Variants in RYR3 observed in about 807,000 individuals in gnomAD.
RYR3 encodes brain ryanodine receptor-calcium release channel.
RYR3 carries 207 observed loss-of-function variants against 584.3 expected under a neutral mutation model. The observed-to-expected ratio is 0.35, with a 90% CI of 0.32 to 0.40. The LOEUF is 0.40. Among genes scored for constraint, RYR3 ranks in the 10% least tolerant of loss-of-function variants. The pLI, the probability that RYR3 is intolerant of heterozygous loss-of-function variation, is 1.00. For synonymous variants in RYR3, 2,416 were observed against 2,248.5 expected (o/e 1.07, Z -2.11); for missense variants, 5,616 against 6,089.2 (o/e 0.92, Z 2.59).
Position 33,706,038 on chromosome 15 carries a change from A to G in RYR3, c.6484-881A>G, listed in dbSNP as rs114921983. Among the ~76,000 whole-genome samples, 1,045 of 152,336 alleles carry G rather than the reference A, an allele frequency of 6.9e-3. 11 individuals are homozygous for G. Among genetic ancestry groups the G allele is most frequent in the African/African-American group, 0.024 (982 of 41,574 alleles). On this transcript the variant is annotated intron_variant, in intron 42 of 103. Coordinates refer to ENST00000634891, the MANE Select transcript of RYR3 (RefSeq NM_001036.6). ...ATAACAATGATAATCAATCTTGTTA[A>G]TCACTTGGAAACAAAAAATGAATTG...
chr15:33,687,950 C>G (rs902613254), intron 38 of RYR3, among the ~76,000 whole-genome samples: 5 of 152,094 alleles, frequency 3.3e-5, no homozygotes, highest in African/African-American at 1.2e-4. Flanking sequence ...GACCTAAAAC[C>G]ATAAAAACCG....
intron 43 of RYR3, 154 bp from the exon 44 acceptor site, chr15:33,722,561 C>T (rs146695629): frequency 5.8e-6 from 4 of 690,574 alleles, no homozygotes; most frequent in African/African-American, 5.4e-5. Flanking sequence ...GTCTTAGTTC[C>T]TTCTCCACTC....
At chr15:33,540,056 G>A (rs1454477946) in intron 6 of RYR3, among the ~76,000 whole-genome samples, 1 of 152,106 alleles carries the variant, frequency 6.6e-6, no homozygotes, top group Non-Finnish European at 1.5e-5. Context: ...CTGCTGCCAC[G>A]TGATCATGGT....
At chr15:33,396,328 T>C (rs937645771) in intron 1 of RYR3, among the ~76,000 whole-genome samples, 1 of 152,126 alleles carries the variant, frequency 6.6e-6, no homozygotes, top group Non-Finnish European at 1.5e-5. Flanking sequence ...AACCCGTCAG[T>C]GTTTTGTGGT....
intron 1 of RYR3, among the ~76,000 whole-genome samples, chr15:33,404,092 A>G (rs2042859857): frequency 6.6e-6 from 1 of 152,196 alleles, no homozygotes; most frequent in Non-Finnish European, 1.5e-5. Context: ...TGAGGGATGA[A>G]TTTGGTCGTA....
intron 10 of RYR3, among the ~76,000 whole-genome samples, chr15:33,560,376 A>G (rs1309927449): frequency 6.6e-6 from 1 of 152,234 alleles, no homozygotes; most frequent in Non-Finnish European, 1.5e-5. Context: ...GTAAAAACAA[A>G]GACACAGAAA....
rs895753827 is a variant in RYR3 at position 33,724,687 on chromosome 15, G to A, written c.6912+511G>A. On this transcript the variant is annotated intron_variant, in intron 45 of 103. Transcript: ENST00000634891. ...CAGACTTCTAGTTTTGAACTAGAAAGTATGTTCTTTTCTTTTTTCACCTCT... is the reference window on the plus strand; with the variant it reads ...CAGACTTCTAGTTTTGAACTAGAAAATATGTTCTTTTCTTTTTTCACCTCT... 3.9e-5 allele frequency among the ~76,000 whole-genome samples: 6 copies of A among 152,298 alleles called. No individual in the cohort carries two copies. The South Asian group carries it at 1.2e-3, about 32-fold the overall frequency.
In RYR3 at chr15:33,660,074, C is replaced by G. The variant is rs547330333; in HGVS notation, c.4396-123C>G. On this transcript the variant is annotated intron_variant, in intron 33 of 103. Coordinates refer to ENST00000634891, the MANE Select transcript of RYR3 (RefSeq NM_001036.6). ...AATGCTAATTAATGCTGGTAAAGCC[C>G]TTAGAGATCCCTGGATACATTTGTC... 3 of 691,458 alleles carry G rather than the reference C, an allele frequency of 4.3e-6. No homozygotes were observed. In the African/African-American group the frequency reaches 5.4e-5, roughly 12 times the overall value. 42.8% of individuals were successfully genotyped at this position (691,458 alleles called of 1,614,324 possible).
chr15:33,678,461 A>G (rs548582053), intron 38 of RYR3, among the ~76,000 whole-genome samples: 100 of 152,320 alleles, frequency 6.6e-4, no homozygotes, highest in Admixed American at 1.2e-3. Context: ...GAGGCCTCCC[A>G]GCCATGCTTC....
At chr15:33,363,900 T>C (rs1203413420) in intron 1 of RYR3, among the ~76,000 whole-genome samples, 1 of 152,186 alleles carries the variant, frequency 6.6e-6, no homozygotes, top group Non-Finnish European at 1.5e-5. Context: ...AAACTGATAC[T>C]GGATCCAGTT....
chr15:33,540,738 G>C (rs2055750093), intron 6 of RYR3, 53 bp from the exon 7 acceptor site: 1 of 1,118,674 alleles, frequency 8.9e-7, no homozygotes, highest in Non-Finnish European at 1.4e-6. Flanking sequence ...AGCTGTTTCT[G>C]TCGGCACTGG....
intron 19 of RYR3, among the ~76,000 whole-genome samples, chr15:33,614,122 A>G (rs2152569145): frequency 6.6e-6 from 1 of 152,336 alleles, no homozygotes; most frequent in East Asian, 1.9e-4. Context: ...TTCATAACTC[A>G]TTTTGTAATA....
chr15:33,581,698 TGC>T (rs1381464310), intron 14 of RYR3, 55 bp downstream of exon 14: 1 of 1,494,492 alleles, frequency 6.7e-7, no homozygotes, highest in Non-Finnish European at 9.3e-7. Flanking sequence ...GATTTCCACG[TGC>T]AATCCCAAGA....
rs377624442 is a variant in RYR3, at chr15:33,539,442, G to A, written c.526G>A (p.Val176Met). The A allele has an allele frequency of 1.3e-4, 208 of 1,595,402 alleles. No individual in the cohort carries two copies. The highest frequency in any genetic ancestry group is 3.1e-4 in the Admixed American group (18 of 58,104). Residue 176 changes from valine (V) to methionine (M), a missense_variant, in exon 6 of 104, where the codon GTG becomes ATG. Val to Met is a conservative substitution (Grantham distance 21, BLOSUM62 1). Around this residue, in one of 9 missense-constraint regions of RYR3, gnomAD observed 1,284 missense variants for 1,344.6 expected, o/e 0.95. Coordinates refer to ENST00000634891, the MANE Select transcript of RYR3 (RefSeq NM_001036.6). ...RIGDDLILVS[V>M]SSERYLHLSV... ...TGGCGATGACCTCATCCTCGTCAGC[G>A]TGTCCTCTGAAAGATACCTTGTAAG...
intron 52 of RYR3, 124 bp from the exon 53 acceptor site, chr15:33,745,944 G>A (rs1289485189): frequency 4.3e-6 from 3 of 696,526 alleles, no homozygotes; most frequent in East Asian, 2.7e-5. Context: ...TTTTTGAGGA[G>A]AATTTCTAAG....
chr15:33,854,511 C>T (rs988631359), intron 97 of RYR3, 62 bp downstream of exon 97: 30 of 1,365,394 alleles, frequency 2.2e-5, no homozygotes, highest in Non-Finnish European at 2.7e-5. Context: ...CACAGAGAAG[C>T]AAGCTATGCA....
chr15:33,722,697 A>G lies in RYR3; in HGVS notation c.6620-18A>G. 6.2e-7 allele frequency: 1 copy of G among 1,605,604 alleles called. No individual in the cohort carries two copies. The highest frequency in any genetic ancestry group is 8.5e-7 in the Non-Finnish European group (1 of 1,173,458). On this transcript the variant is annotated intron_variant, in intron 43 of 103. Coordinates refer to ENST00000634891, the MANE Select transcript of RYR3 (RefSeq NM_001036.6). ...TTGTCCTTTTCATTGAGAAGGAAAC[A>G]GTGCCTGTCTTCCTCAGGTGAGAGT...
intron 81 of RYR3, among the ~76,000 whole-genome samples, chr15:33,823,341 C>A (rs182883124): frequency 6.6e-6 from 1 of 152,176 alleles, no homozygotes; most frequent in Non-Finnish European, 1.5e-5. Context: ...CTTACCTCCA[C>A]GTTTATGTTG....
chr15:33,505,885 C>T (rs944903792), intron 3 of RYR3, among the ~76,000 whole-genome samples: 1 of 152,138 alleles, frequency 6.6e-6, no homozygotes, highest in African/African-American at 2.4e-5. Context: ...TTTTAAATAT[C>T]ACCACTTTCA....
Sources: allele counts gnomAD v4.1 joint callset (sites outside exome capture counted in the v4.1 genomes callset), GRCh38; gene constraint gnomAD v4.1.1; regional missense constraint gnomAD v4.1.1; transcripts MANE v1.5; gene names NCBI Gene and HGNC (gene_info 2026-07-23, HGNC 2026-07-21).